DENND4B: variants seen among roughly 807,000 people sequenced by gnomAD.
DENND4B encodes the protein DENN domain-containing protein 4B.
A neutral mutation model predicts 161.0 loss-of-function variants in DENND4B; 67 were observed. The ratio of observed to expected loss-of-function variants is 0.42; its 90% CI spans 0.34 to 0.51. The LOEUF (loss-of-function observed/expected upper bound fraction) is 0.51. Ranked by LOEUF, DENND4B falls within the 20% of genes least tolerant of loss-of-function variation. The pLI, the probability that DENND4B is intolerant of heterozygous loss-of-function variation, is 0.08. For missense variants in DENND4B, 1,481 were observed against 1,968.0 expected (o/e 0.75, Z 4.68); for synonymous variants, 753 against 813.8 (o/e 0.93, Z 1.27).
In DENND4B at chr1:153,938,983, T is replaced by A. The variant is rs756683163; in HGVS notation, c.1882A>T (p.Met628Leu). ...KLYSQLLHTQ[M>L]FSQFIEECSF... ...CACTCCTCAATGAACTGTGAGAACA[T>A]CTGTGTGTGCAGCAGCTGAGAGTAA... The change falls in exon 13 of 28, where the codon ATG (methionine) becomes TTG (leucine). Residue 628 changes from methionine (M) to leucine (L), a missense_variant. Physicochemically the swap from Met to Leu is conservative, Grantham distance 15. This residue lies in a region of DENND4B where 806 missense variants were observed against 1,134.4 expected (regional missense o/e 0.71). Coordinates refer to ENST00000361217, the MANE Select transcript of DENND4B (RefSeq NM_014856.3). 6.2e-7 allele frequency: 1 copy of A among 1,612,128 alleles called. No homozygotes were observed.
chr1:153,929,544 A>G lies in DENND4B; in HGVS notation c.*753T>C, dbSNP rs2101988219. On this transcript the variant is annotated 3_prime_UTR_variant, in exon 28 of 28. Transcript: ENST00000361217. ...TTTTACTATATTTACATCCAACAAA[A>G]CTTCGCAGGGAACAATCCTTATTGC... 1 of 152,262 alleles carries G rather than the reference A, an allele frequency of 6.6e-6. No individual in the cohort carries two copies. The allele number at this position is 152,262 out of a possible 1,614,324, so 9.4% of individuals were successfully genotyped here.
Position 153,930,225 on chromosome 1 carries a change from G to T in DENND4B, c.*72C>A. On this transcript the variant is annotated 3_prime_UTR_variant, in exon 28 of 28. Coordinates refer to ENST00000361217, the MANE Select transcript of DENND4B (RefSeq NM_014856.3). The surrounding 1 kb of genome is among the most constrained non-coding windows in gnomAD (Gnocchi z 4.7). Reference sequence around the variant, plus strand: ...TTCCCAACTCCATGAAGGCAACAGGGAAGCAGTTTAACTCTAGAATCCCTT... The same window carrying T: ...TTCCCAACTCCATGAAGGCAACAGGTAAGCAGTTTAACTCTAGAATCCCTT... 2.0e-6 allele frequency: 3 copies of T among 1,532,160 alleles called. No individual in the cohort carries two copies. The highest frequency in any genetic ancestry group is 1.8e-6 in the Non-Finnish European group (2 of 1,134,642). 94.9% of individuals were successfully genotyped at this position (1,532,160 alleles called of 1,614,324 possible). A position where few individuals can be genotyped will look rare whatever the true frequency, so the allele number is the denominator to read the frequency against.
rs143798192 is a variant in DENND4B at position 153,944,533 on chromosome 1, T to C, written c.-23-136A>G. 8.1e-6 allele frequency: 7 copies of C among 862,040 alleles called. No homozygotes were observed. The East Asian group carries it at 1.7e-4, about 21-fold the overall frequency. The allele number at this position is 862,040 out of a possible 1,614,324, so 53.4% of individuals were successfully genotyped here. ...GATAAGGGGTCGGCCAATCCTGAAC[T>C]CTTCCCCCTGTGACATCACTGCCCA... On this transcript the variant is annotated intron_variant, in intron 1 of 27. Coordinates refer to ENST00000361217, the MANE Select transcript of DENND4B (RefSeq NM_014856.3). The surrounding 1 kb of genome is among the most constrained non-coding windows in gnomAD (Gnocchi z 4.8).
chr1:153,939,108 C>CT, intron 12 of DENND4B, 63 bp from the exon 13 acceptor site: 1 of 1,572,578 alleles, frequency 6.4e-7, no homozygotes. Context: ...ACAGCCATAG[C>CT]TTTTTTGAAT....
rs1205432899 is a variant in DENND4B, at chr1:153,930,645, G to A, written c.4281-42C>T. On this transcript the variant is annotated intron_variant, in intron 26 of 27. Transcript: ENST00000361217. The surrounding 1 kb of genome is among the most constrained non-coding windows in gnomAD (Gnocchi z 4.7). ...AGTGTATGAGTGAGAGAAAAGGGGTGTGGAGCCCCGGACAGACCAGGGATC... is the reference window on the plus strand; with the variant it reads ...AGTGTATGAGTGAGAGAAAAGGGGTATGGAGCCCCGGACAGACCAGGGATC... 6.2e-7 allele frequency: 1 copy of A among 1,613,764 alleles called. No individual in the cohort carries two copies. Among genetic ancestry groups the A allele is most frequent in the Non-Finnish European group, 8.5e-7 (1 of 1,179,776 alleles).
In DENND4B at chr1:153,940,643, G is replaced by C; in HGVS notation, c.1327-37C>G. ...GGCAGTGAGAACCAGTGAACAGGGG[G>C]TTGAGGCAGCAGTGGGAGGCACAGG... On this transcript the variant is annotated intron_variant, in intron 9 of 27. Coordinates refer to ENST00000361217, the MANE Select transcript of DENND4B (RefSeq NM_014856.3). The surrounding 1 kb of genome is among the most constrained non-coding windows in gnomAD (Gnocchi z 5.6). 1.9e-6 allele frequency: 3 copies of C among 1,599,460 alleles called. No individual in the cohort carries two copies. The highest frequency in any genetic ancestry group is 2.6e-6 in the Non-Finnish European group (3 of 1,172,902).
At chr1:153,941,818 C>T in intron 6 of DENND4B, 51 bp downstream of exon 6, 2 of 1,580,844 alleles carry the variant, frequency 1.3e-6, no homozygotes, top group Non-Finnish European at 8.6e-7. Context: ...TCTCTCCTGG[C>T]CCCCTTATCC....
rs750907060 is a variant in DENND4B at position 153,933,265 on chromosome 1, G to C, written c.3385C>G (p.Leu1129Val). The C allele has an allele frequency of 9.9e-6, 16 of 1,613,158 alleles. No individual in the cohort carries two copies. Among genetic ancestry groups the C allele is most frequent in the Non-Finnish European group, 1.3e-5 (15 of 1,179,578 alleles). The change falls in exon 21 of 28, where the codon CTG becomes GTG. Residue 1129 changes from leucine (L) to valine (V), a missense_variant. This residue lies in a region of DENND4B where 336 missense variants were observed against 503.3 expected (regional missense o/e 0.67). Transcript: ENST00000361217. This position sits in a 1 kb window ranked among gnomAD's most constrained non-coding sequence, Gnocchi z 5.7. ...WDLSESSLSN[L>V]SLRRSSERLS... is the part of the protein sequence containing the mutation. ...CGCTCTGAGGAACGGCGAAGACTCA[G>C]GTTGCTGAGAGAAGATTCTGAGAGG...
Position 153,934,102 on chromosome 1 carries a change from G to T in DENND4B, c.2941+33C>A, listed in dbSNP as rs908934797. ...TAGCAAGTGGTTAGGAAAGCTGACT[G>T]GGGGAGTGAGGGAGCCAGACAAGGG... On this transcript the variant is annotated intron_variant, in intron 19 of 27. Transcript: ENST00000361217. The surrounding 1 kb of genome is among the most constrained non-coding windows in gnomAD (Gnocchi z 5.3). 3 of 1,523,186 alleles carry T rather than the reference G, an allele frequency of 2.0e-6. No individual in the cohort carries two copies. In the African/African-American group the frequency reaches 4.2e-5, roughly 21 times the overall value. 94.4% of individuals were successfully genotyped at this position (1,523,186 alleles called of 1,614,324 possible).
At position 153,941,770 on chromosome 1, in the gene DENND4B, G is replaced by A. The variant is rs1679683140; in HGVS notation, c.1055+99C>T. 2.7e-6 allele frequency: 4 copies of A among 1,463,908 alleles called. No individual in the cohort carries two copies. The African/African-American group carries it at 5.6e-5, about 20-fold the overall frequency. 90.7% of individuals were successfully genotyped at this position (1,463,908 alleles called of 1,614,324 possible). On this transcript the variant is annotated intron_variant, in intron 6 of 27. Coordinates refer to ENST00000361217, the MANE Select transcript of DENND4B (RefSeq NM_014856.3). ...ACTGCAGCCCTGTCCCTTACCCTGT[G>A]CCCAGCCCTCCCCCCACCCACATCT...
Position 153,930,247 on chromosome 1 carries a change from C to T in DENND4B, c.*50G>A. 1 of 1,582,232 alleles carries T rather than the reference C, an allele frequency of 6.3e-7. No individual in the cohort carries two copies. Among genetic ancestry groups the T allele is most frequent in the Non-Finnish European group, 8.6e-7 (1 of 1,160,144 alleles). On this transcript the variant is annotated 3_prime_UTR_variant, in exon 28 of 28. Coordinates refer to ENST00000361217, the MANE Select transcript of DENND4B (RefSeq NM_014856.3). This position sits in a 1 kb window ranked among gnomAD's most constrained non-coding sequence, Gnocchi z 4.7. Reference sequence around the variant, plus strand: ...AGGGAAGCAGTTTAACTCTAGAATCCCTTCTTCCTCACTTCCCCACCCTAG... The same window carrying T: ...AGGGAAGCAGTTTAACTCTAGAATCTCTTCTTCCTCACTTCCCCACCCTAG...
chr1:153,941,163 C>T (rs1679642366), intron 8 of DENND4B, 68 bp downstream of exon 8: 2 of 1,595,244 alleles, frequency 1.3e-6, no homozygotes, highest in Non-Finnish European at 1.7e-6. Context: ...AACAGCTGCA[C>T]CCACCTGCCC....
Position 153,944,402 on chromosome 1 carries a change from A to G in DENND4B, c.-23-5T>C. On this transcript the variant is annotated splice_polypyrimidine_tract_variant and splice_region_variant and intron_variant, in intron 1 of 27. Transcript: ENST00000361217. The surrounding 1 kb of genome is among the most constrained non-coding windows in gnomAD (Gnocchi z 4.8). ...CCCCCCCCTCACTCACTGCATCTGG[A>G]ATGGTCAAGTGGGAGAGAGATGAAG... The G allele has an allele frequency of 6.3e-7, 1 of 1,584,176 alleles. No individual in the cohort carries two copies. The highest frequency in any genetic ancestry group is 8.6e-7 in the Non-Finnish European group (1 of 1,165,984).
Position 153,932,390 on chromosome 1 carries a change from C to G in DENND4B, c.3810G>C (p.Leu1270=). 6.2e-7 allele frequency: 1 copy of G among 1,613,510 alleles called. No homozygotes were observed. Among genetic ancestry groups the G allele is most frequent in the Non-Finnish European group, 8.5e-7 (1 of 1,179,696 alleles). Reference sequence around the variant, plus strand: ...GCGACTCCAGCTCCTTACGCAGCACCAGGGGGCTCAGGTATGCCCATGCCC... The same window carrying G: ...GCGACTCCAGCTCCTTACGCAGCACGAGGGGGCTCAGGTATGCCCATGCCC... ...ESGAWAYLSP[L]VLRKELESLV... is the part of the protein sequence containing the mutation. Residue 1270 remains leucine (L), a synonymous_variant, in exon 24 of 28, where the codon CTG becomes CTC. Transcript: ENST00000361217. This position sits in a 1 kb window ranked among gnomAD's most constrained non-coding sequence, Gnocchi z 5.8.
In DENND4B at chr1:153,939,743, C is replaced by T. The variant is rs1168826493; in HGVS notation, c.1665G>A (p.Val555=). The T allele has an allele frequency of 1.2e-6, 2 of 1,613,960 alleles. No homozygotes were observed. The highest frequency in any genetic ancestry group is 1.1e-5 in the South Asian group (1 of 91,090). ...GCTCCAGCCGGGCCCTGCGGCCACA[C>T]ACTGCCTCGTAGTCTGTCAGTAGGA... ...LEFLLTDYEA[V]CGRRARLERE... is the part of the protein sequence containing the mutation. The change falls in exon 12 of 28, where the codon GTG becomes GTA. Residue 555 remains valine, a synonymous_variant. Coordinates refer to ENST00000361217, the MANE Select transcript of DENND4B (RefSeq NM_014856.3).
Position 153,936,001 on chromosome 1 carries a change from G to A in DENND4B, c.2568+59C>T. On this transcript the variant is annotated intron_variant, in intron 17 of 27. Coordinates refer to ENST00000361217, the MANE Select transcript of DENND4B (RefSeq NM_014856.3). The surrounding 1 kb of genome is among the most constrained non-coding windows in gnomAD (Gnocchi z 4.1). ...CCAAGGAGCGAGGGGAGCAGCAGCA[G>A]CCTCCCCTCACACACCCTGGCACAG... The A allele has an allele frequency of 6.3e-7, 1 of 1,594,370 alleles. No homozygotes were observed. The highest frequency in any genetic ancestry group is 8.6e-7 in the Non-Finnish European group (1 of 1,168,056).
chr1:153,935,035 C>T (rs1571040445), intron 17 of DENND4B, 71 bp from the exon 18 acceptor site: 1 of 1,576,460 alleles, frequency 6.3e-7, no homozygotes, highest in Non-Finnish European at 8.6e-7. Context: ...CACTCCCTGT[C>T]TTGGAGCCCC....
At chr1:153,935,435 C>T (rs917075124) in intron 17 of DENND4B, among the ~76,000 whole-genome samples, 1 of 152,252 alleles carries the variant, frequency 6.6e-6, no homozygotes, top group African/African-American at 2.4e-5. Context: ...CAACCTCTGC[C>T]TCCCGGGTTC....
At chr1:153,941,774 A>AGGGGGGG in intron 6 of DENND4B, 95 bp downstream of exon 6, 8 of 618,116 alleles carry the variant, frequency 1.3e-5, no homozygotes, top group East Asian at 9.8e-5. Flanking sequence ...CCCTGTGCCC[A>AGGGGGGG]GCCCTCCCCC....
Sources: allele counts gnomAD v4.1 joint callset (sites outside exome capture counted in the v4.1 genomes callset), GRCh38; gene constraint gnomAD v4.1.1; regional missense constraint gnomAD v4.1.1; non-coding constraint Gnocchi (gnomAD v3.1); transcripts MANE v1.5; gene names NCBI Gene and HGNC (gene_info 2026-07-23, HGNC 2026-07-21).